The following CAMTA1 variants were observed in gnomAD, a reference collection of about 807,000 sequenced individuals.
CAMTA1 encodes the protein calmodulin-binding transcription activator 1.
CAMTA1 carries 27 observed loss-of-function variants against 170.9 expected under a neutral mutation model. The observed-to-expected ratio is 0.16, with a 90% CI of 0.12 to 0.22. CAMTA1 has a LOEUF of 0.22. Ranked by LOEUF, CAMTA1 falls within the 10% of genes least tolerant of loss-of-function variation. CAMTA1 has a pLI of 1.00. For synonymous variants in CAMTA1, 833 were observed against 891.5 expected (o/e 0.93, Z 1.17); for missense variants, 1,619 against 2,217.2 (o/e 0.73, Z 5.42).
At chr1:7,316,717 G>A (rs1235272393) in intron 5 of CAMTA1, among the ~76,000 whole-genome samples, 2 of 152,186 alleles carry the variant, frequency 1.3e-5, no homozygotes, top group African/African-American at 4.8e-5. Flanking sequence ...AATCTGGGGA[G>A]GAGGCAGACA....
intron 3 of CAMTA1, among the ~76,000 whole-genome samples, chr1:7,070,530 T>C (rs1045358722): frequency 2.0e-5 from 3 of 152,228 alleles, no homozygotes; most frequent in African/African-American, 7.2e-5. Flanking sequence ...CCTCTGGCTT[T>C]GCACAACCTT....
At chr1:7,308,692 A>G (rs1159383809) in intron 5 of CAMTA1, among the ~76,000 whole-genome samples, 2 of 152,182 alleles carry the variant, frequency 1.3e-5, no homozygotes, top group Non-Finnish European at 2.9e-5. Context: ...CAGGGAACAT[A>G]TTTTGTAGAT....
intron 22 of CAMTA1, among the ~76,000 whole-genome samples, chr1:7,759,270 G>A (rs566436541): frequency 5.9e-5 from 9 of 152,322 alleles, no homozygotes; most frequent in African/African-American, 2.2e-4. Context: ...AGCAGGGGGA[G>A]ATCTAAAAAG....
rs1286812448 is a variant in CAMTA1 at position 6,942,977 on chromosome 1, G to A, written c.234+117767G>A. On this transcript the variant is annotated intron_variant, in intron 3 of 22. Transcript: ENST00000303635. ...AGGGCAGAACGAGAACACGAATGCA[G>A]AGGCCCCGGCTCCAGCTTCCAGTGA... Among the ~76,000 whole-genome samples, 7 of 152,216 alleles carry A rather than the reference G, an allele frequency of 4.6e-5. No individual in the cohort carries two copies. The East Asian group carries it at 7.7e-4, about 17-fold the overall frequency.
intron 4 of CAMTA1, among the ~76,000 whole-genome samples, chr1:7,114,418 A>G (rs1365938531): frequency 6.6e-6 from 1 of 151,746 alleles, no homozygotes; most frequent in Non-Finnish European, 1.5e-5. Context: ...GGCCACACAT[A>G]AAATAGTCTA....
At chr1:7,606,857 A>G (rs1461423605) in intron 6 of CAMTA1, among the ~76,000 whole-genome samples, 1 of 152,100 alleles carries the variant, frequency 6.6e-6, no homozygotes, top group African/African-American at 2.4e-5. Flanking sequence ...TGGGGAGGAA[A>G]TGGGGAGTGT....
At chr1:7,697,285 CTA>C (rs34593495) in intron 11 of CAMTA1, among the ~76,000 whole-genome samples, 72,160 of 151,700 alleles carry the variant, frequency 0.48, 17,240 homozygotes, top group East Asian at 0.66. Context: ...CCTGGGCTAT[CTA>C]TTTAAGTTTA....
At chr1:7,649,382 T>A (rs926497146) in intron 7 of CAMTA1, among the ~76,000 whole-genome samples, 1 of 152,152 alleles carries the variant, frequency 6.6e-6, no homozygotes, top group Non-Finnish European at 1.5e-5. Context: ...CTGGAGAGGA[T>A]TTCCTCTGCC....
chr1:7,182,407 C>T (rs763783152), intron 4 of CAMTA1, among the ~76,000 whole-genome samples: 4 of 151,160 alleles, frequency 2.6e-5, no homozygotes, highest in Non-Finnish European at 5.9e-5. Flanking sequence ...GTGGGAGGAT[C>T]ACCTGAGCCT....
chr1:7,492,741 ACG>A (rs1553180594), intron 6 of CAMTA1, among the ~76,000 whole-genome samples: 12 of 136,234 alleles, frequency 8.8e-5, no homozygotes, highest in Non-Finnish European at 1.7e-4. Flanking sequence ...ACATACACAC[ACG>A]CGCGCACACA....
chr1:7,546,744 C>G (rs1198772538), intron 6 of CAMTA1, among the ~76,000 whole-genome samples: 1 of 152,114 alleles, frequency 6.6e-6, no homozygotes, highest in Non-Finnish European at 1.5e-5. Context: ...TTGCATTTCC[C>G]TAATGATCAG....
At chr1:7,704,843 G>A (rs1351184982) in intron 11 of CAMTA1, among the ~76,000 whole-genome samples, 1 of 147,854 alleles carries the variant, frequency 6.8e-6, no homozygotes, top group African/African-American at 2.5e-5. Flanking sequence ...GAGCCAGTGA[G>A]CGGCGGCTCG....
At chr1:7,379,502 G>T (rs2087107810) in intron 5 of CAMTA1, among the ~76,000 whole-genome samples, 1 of 152,202 alleles carries the variant, frequency 6.6e-6, no homozygotes, top group African/African-American at 2.4e-5. Flanking sequence ...AATTCAGGGA[G>T]CCGGGAAAAA....
intron 6 of CAMTA1, among the ~76,000 whole-genome samples, chr1:7,566,001 C>T (rs1362051857): frequency 6.6e-6 from 1 of 152,182 alleles, no homozygotes; most frequent in Non-Finnish European, 1.5e-5. Flanking sequence ...GACCCTGGCC[C>T]CATGGCTTCA....
rs1040331884 is a variant in CAMTA1, at chr1:7,216,122, G to A, written c.303-33369G>A. ...ATGGCAGAAGGCGAAGGGGAAGCCCGCGTGTCCTGCGTGGCTGGAGCAGGA... is the reference window on the plus strand; with the variant it reads ...ATGGCAGAAGGCGAAGGGGAAGCCCACGTGTCCTGCGTGGCTGGAGCAGGA... On this transcript the variant is annotated intron_variant, in intron 4 of 22. Transcript: ENST00000303635. The surrounding 1 kb of genome is among the most constrained non-coding windows in gnomAD (Gnocchi z 4.0). Among the ~76,000 whole-genome samples the A allele has an allele frequency of 4.6e-5, 7 of 152,164 alleles. No individual in the cohort carries two copies. Among genetic ancestry groups the A allele is most frequent in the African/African-American group, 1.2e-4 (5 of 41,446 alleles).
chr1:7,303,965 A>G (rs1221742652), intron 5 of CAMTA1, among the ~76,000 whole-genome samples: 3 of 152,320 alleles, frequency 2.0e-5, no homozygotes, highest in Non-Finnish European at 4.4e-5. Flanking sequence ...ACACAAAAGG[A>G]CACACACTGC....
At chr1:7,564,206 T>C (rs903726211) in intron 6 of CAMTA1, among the ~76,000 whole-genome samples, 10 of 152,292 alleles carry the variant, frequency 6.6e-5, no homozygotes, top group Non-Finnish European at 1.3e-4. Flanking sequence ...TTTCCGGCTA[T>C]TGGGTAGGGC....
At chr1:7,469,901 C>T (rs559281438) in intron 6 of CAMTA1, among the ~76,000 whole-genome samples, 1 of 152,356 alleles carries the variant, frequency 6.6e-6, no homozygotes, top group Non-Finnish European at 1.5e-5. Context: ...GAGAGGGGTC[C>T]TGCTCTCTGC....
At chr1:7,204,809 C>CTT (rs61639082) in intron 4 of CAMTA1, among the ~76,000 whole-genome samples, 343 of 120,976 alleles carry the variant, frequency 2.8e-3, no homozygotes, top group African/African-American at 0.01. Context: ...GTCAGAGTTT[C>CTT]TTTTTTTTTT....
Sources: gnomAD v4.1 joint callset for allele counts (sites outside exome capture counted in the v4.1 genomes callset) on GRCh38, gnomAD v4.1.1 for gene constraint, Gnocchi (gnomAD v3.1) non-coding constraint, MANE v1.5 for transcripts, NCBI Gene and HGNC (gene_info 2026-07-23, HGNC 2026-07-21) for gene names.